Variants in EMCN observed in about 807,000 individuals in gnomAD.
The protein encoded by EMCN is endomucin.
Under a neutral mutation model 38.4 loss-of-function variants are expected in EMCN, and 37 were observed. That is an observed-to-expected ratio of 0.96 (90% CI 0.74 to 1.27). The LOEUF (loss-of-function observed/expected upper bound fraction) is 1.27. Ranked by LOEUF, EMCN falls within the 50% of genes most tolerant of loss-of-function variation. EMCN has a pLI of 0.00. For synonymous variants in EMCN, 95 were observed against 100.8 expected, an observed-to-expected ratio of 0.94 and a Z score of 0.35; for missense variants, 318 against 302.8, an observed-to-expected ratio of 1.05 and a Z score of -0.37.
chr4:100,485,080 G>A lies in EMCN; in HGVS notation c.65-5041C>T, dbSNP rs1306466450. Among the ~76,000 whole-genome samples the A allele has an allele frequency of 2.0e-5, 3 of 152,006 alleles. No homozygotes were observed. The East Asian group carries it at 5.8e-4, about 29-fold the overall frequency. On this transcript the variant is annotated intron_variant, in intron 1 of 11. Transcript: ENST00000296420. ...GATTTCTTCAAAAATATATAATTAC[G>A]GTACATGCAAAATGCTAATTACCAG...
intron 6 of EMCN, 106 bp downstream of exon 6, chr4:100,423,206 A>C: frequency 1.5e-6 from 2 of 1,319,068 alleles, no homozygotes; most frequent in East Asian, 4.6e-5. Context: ...CAAAAGATTC[A>C]GTCTCATTCT....
Position 100,411,160 on chromosome 4 carries a change from C to T in EMCN, c.752-805G>A, listed in dbSNP as rs73833314. On this transcript the variant is annotated intron_variant, in intron 10 of 11. Transcript: ENST00000296420. Reference sequence around the variant, plus strand: ...ATGTCACCTGTTACTTGTACCATCACGGCAATAATAAATAGTGCCAGAGAC... The same window carrying T: ...ATGTCACCTGTTACTTGTACCATCATGGCAATAATAAATAGTGCCAGAGAC... Among the ~76,000 whole-genome samples, 1,496 of 152,260 alleles carry T rather than the reference C, an allele frequency of 9.8e-3. 14 individuals carry two copies. Among genetic ancestry groups the T allele is most frequent in the African/African-American group, 0.024 (982 of 41,548 alleles).
chr4:100,413,369 T>C (rs1726619245), intron 10 of EMCN, among the ~76,000 whole-genome samples: 1 of 151,658 alleles, frequency 6.6e-6, no homozygotes, highest in Non-Finnish European at 1.5e-5. Flanking sequence ...CCATTTAAGT[T>C]TTTTTTTTCT....
At chr4:100,414,070 TC>T (rs1403878592) in intron 10 of EMCN, among the ~76,000 whole-genome samples, 1 of 152,154 alleles carries the variant, frequency 6.6e-6, no homozygotes, top group African/African-American at 2.4e-5. Context: ...GTGTCAGTTG[TC>T]CCATTTCTTT....
chr4:100,467,365 G>A (rs561695437), intron 3 of EMCN, among the ~76,000 whole-genome samples: 1 of 152,292 alleles, frequency 6.6e-6, no homozygotes, highest in South Asian at 2.1e-4. Context: ...ATCTATGCAT[G>A]GTTGACTAAC....
chr4:100,494,007 T>A (rs1024101935), intron 1 of EMCN, among the ~76,000 whole-genome samples: 16 of 152,192 alleles, frequency 1.1e-4, no homozygotes, highest in Admixed American at 3.9e-4. Context: ...ATACCAGTTC[T>A]AAGTGCTGGG....
chr4:100,494,515 A>C (rs1448427506), intron 1 of EMCN, among the ~76,000 whole-genome samples: 1 of 152,168 alleles, frequency 6.6e-6, no homozygotes, highest in African/African-American at 2.4e-5. Context: ...CTTCTCAATC[A>C]ACTCAAACTT....
intron 1 of EMCN, among the ~76,000 whole-genome samples, chr4:100,513,843 A>G (rs893741904): frequency 1.3e-5 from 2 of 152,182 alleles, no homozygotes; most frequent in Admixed American, 6.6e-5. Flanking sequence ...ATTCATTCAG[A>G]CAACTATGTC....
At position 100,400,277 on chromosome 4, in the gene EMCN, G is replaced by A. The variant is rs1726219725; in HGVS notation, c.*40-1904C>T. Among the ~76,000 whole-genome samples, 7 of 149,450 alleles carry A rather than the reference G, an allele frequency of 4.7e-5. No individual in the cohort carries two copies. In the South Asian group the frequency reaches 1.5e-3, roughly 32 times the overall value. Reference sequence around the variant, plus strand: ...TATGATTTCTTTCATATACCATTCAGTTTCACAATTCTTTTCCTATTTGTA... The same window carrying A: ...TATGATTTCTTTCATATACCATTCAATTTCACAATTCTTTTCCTATTTGTA... On this transcript the variant is annotated intron_variant, in intron 11 of 11. Transcript: ENST00000296420.
chr4:100,421,371 A>G lies in EMCN; in HGVS notation c.575T>C (p.Ile192Thr). The change falls in exon 8 of 12, where the codon ATT (isoleucine) becomes ACT (threonine). Residue 192 changes from isoleucine to threonine, a missense_variant. Transcript: ENST00000296420. ...SATSRSYSSI[I>T]LPVVIALIVI... ...AATCAAAGCAATAACCACCGGCAAA[A>G]TAATACCTAAAAAGAATTGGAGACA... 6.2e-7 allele frequency: 1 copy of G among 1,611,870 alleles called. No homozygotes were observed. Among genetic ancestry groups the G allele is most frequent in the Non-Finnish European group, 8.5e-7 (1 of 1,178,356 alleles).
intron 1 of EMCN, among the ~76,000 whole-genome samples, chr4:100,505,155 C>A (rs1729449381): frequency 6.6e-6 from 1 of 152,130 alleles, no homozygotes; most frequent in African/African-American, 2.4e-5. Flanking sequence ...TACCCTGCCC[C>A]TTTGTCTTGT....
At chr4:100,423,141 CCTCCACCCTCAT>C in intron 6 of EMCN, 61 bp from the exon 7 acceptor site, 3 of 1,507,550 alleles carry the variant, frequency 2.0e-6, no homozygotes, top group Non-Finnish European at 2.8e-6. Flanking sequence ...TGCAGTCCTC[CCTCCACCCTCAT>C]TTAAGGAAAC....
intron 1 of EMCN, among the ~76,000 whole-genome samples, chr4:100,493,797 T>C (rs1729145561): frequency 6.6e-6 from 1 of 152,216 alleles, no homozygotes; most frequent in African/African-American, 2.4e-5. Flanking sequence ...AGTATAGCAG[T>C]AGAAGTAGAG....
At chr4:100,486,730 C>G in intron 1 of EMCN, 1 of 507,308 alleles carries the variant, frequency 2.0e-6, no homozygotes, top group Non-Finnish European at 2.5e-6. Flanking sequence ...CTGGGGAGAA[C>G]AGGAAGACAG....
intron 1 of EMCN, among the ~76,000 whole-genome samples, chr4:100,511,379 G>A (rs1487138339): frequency 6.6e-6 from 1 of 152,094 alleles, no homozygotes; most frequent in Admixed American, 6.6e-5. Flanking sequence ...GGTTAACTTG[G>A]ACCGTTCCCA....
chr4:100,410,605 G>A (rs1040489971), intron 10 of EMCN, among the ~76,000 whole-genome samples: 4 of 152,136 alleles, frequency 2.6e-5, no homozygotes, highest in African/African-American at 9.7e-5. Flanking sequence ...TCAGGGGGCA[G>A]TGGGGGCGGG....
intron 4 of EMCN, among the ~76,000 whole-genome samples, chr4:100,448,927 C>A (rs1195546710): frequency 1.3e-5 from 2 of 151,914 alleles, no homozygotes; most frequent in African/African-American, 4.8e-5. Flanking sequence ...ACCACCTTCA[C>A]CAAATTGTTT....
At chr4:100,415,723 C>T (rs1378694765) in intron 10 of EMCN, among the ~76,000 whole-genome samples, 175 bp downstream of exon 10, 5 of 152,076 alleles carry the variant, frequency 3.3e-5, no homozygotes, top group Non-Finnish European at 5.9e-5. Flanking sequence ...ATAATCTTAT[C>T]AAATTGGTAA....
At chr4:100,428,714 G>A (rs1481396826) in intron 5 of EMCN, among the ~76,000 whole-genome samples, 1 of 152,074 alleles carries the variant, frequency 6.6e-6, no homozygotes, top group African/African-American at 2.4e-5. Flanking sequence ...TTAACATCGG[G>A]ATTGGCACAT....
Sources: gnomAD v4.1 joint callset for allele counts (sites outside exome capture counted in the v4.1 genomes callset) on GRCh38, gnomAD v4.1.1 for gene constraint, MANE v1.5 for transcripts, NCBI Gene and HGNC (gene_info 2026-07-23, HGNC 2026-07-21) for gene names.